Variants in GLYATL2 observed in about 807,000 individuals in gnomAD.
GLYATL2 encodes the protein glycine N-acyltransferase-like protein 2.
Under a neutral mutation model 21.4 loss-of-function variants are expected in GLYATL2, and 25 were observed. That is an observed-to-expected ratio of 1.17 (90% CI 0.85 to 1.63). The LOEUF is 1.63. GLYATL2 is among the 40% of genes most tolerant of loss of function. The pLI is 0.00. For missense variants in GLYATL2, 361 were observed against 343.3 expected, an observed-to-expected ratio of 1.05 and a Z score of -0.41; for synonymous variants, 114 against 118.2, an observed-to-expected ratio of 0.96 and a Z score of 0.23.
intron 1 of GLYATL2, among the ~76,000 whole-genome samples, chr11:58,854,113 T>C (rs1467609280): frequency 1.3e-5 from 2 of 152,240 alleles, no homozygotes; most frequent in Non-Finnish European, 2.9e-5. Context: ...AGTTCATCTA[T>C]GTGGTTTCAA....
chr11:58,887,070 G>A (rs542540190), intron 1 of GLYATL2, among the ~76,000 whole-genome samples: 1 of 152,288 alleles, frequency 6.6e-6, no homozygotes, highest in African/African-American at 2.4e-5. Context: ...ATAATTGTAG[G>A]AGGTCAAGTA....
chr11:58,903,310 G>A (rs1854770634), intron 1 of GLYATL2, among the ~76,000 whole-genome samples: 1 of 152,120 alleles, frequency 6.6e-6, no homozygotes, highest in East Asian at 1.9e-4. Flanking sequence ...GCAGGATTTT[G>A]TATTTATCAT....
chr11:58,909,253 G>T, the GLYATL2 span, among the ~76,000 whole-genome samples: 1 of 152,182 alleles, frequency 6.6e-6, no homozygotes, highest in Non-Finnish European at 1.5e-5. Context: ...GAGGAAAACA[G>T]AGGTATTAGT....
At chr11:58,862,167 A>C (rs1335796908) in intron 1 of GLYATL2, among the ~76,000 whole-genome samples, 1 of 152,186 alleles carries the variant, frequency 6.6e-6, no homozygotes, top group Non-Finnish European at 1.5e-5. Flanking sequence ...TTCTGCTCAT[A>C]AATCTGCTGT....
chr11:58,899,617 A>T (rs61892584), intron 1 of GLYATL2, among the ~76,000 whole-genome samples: 47,185 of 151,842 alleles, frequency 0.31, 8,849 homozygotes, highest in Non-Finnish European at 0.44. Context: ...TTTGACAGAC[A>T]GCTGCAGAAA....
At chr11:58,843,096 G>A (rs1853582374) in intron 1 of GLYATL2, among the ~76,000 whole-genome samples, 2 of 152,108 alleles carry the variant, frequency 1.3e-5, no homozygotes, top group Non-Finnish European at 2.9e-5. Flanking sequence ...TGTTTCATTT[G>A]AAATTGCAGT....
At chr11:58,850,375 G>A (rs998951550) in intron 1 of GLYATL2, among the ~76,000 whole-genome samples, 7 of 152,240 alleles carry the variant, frequency 4.6e-5, no homozygotes, top group African/African-American at 1.7e-4. Flanking sequence ...AGCTGTTCCA[G>A]TGTGATAAAT....
rs539083099 is a variant in GLYATL2 at position 58,842,632 on chromosome 11, AAATG to A, written c.-41+1798_-41+1801del. Among the ~76,000 whole-genome samples the A allele has an allele frequency of 4.3e-3, 656 of 152,074 alleles. 2 individuals are homozygous for A. Among genetic ancestry groups the A allele is most frequent in the African/African-American group, 0.014 (597 of 41,466 alleles). ...CCTGAACTGGAAAAAGCCAGTTGAA[AAATG>A]AATGAATGAATGAATGAATGAATGA... is the stretch of plus-strand genomic sequence containing the variant. On this transcript the variant is annotated intron_variant, in intron 1 of 5. Coordinates refer to ENST00000287275, the MANE Select transcript of GLYATL2 (RefSeq NM_145016.4).
chr11:58,835,436 TA>T (rs1388741043), intron 5 of GLYATL2, among the ~76,000 whole-genome samples: 2 of 152,206 alleles, frequency 1.3e-5, no homozygotes, highest in Non-Finnish European at 2.9e-5. Flanking sequence ...TAATCCTGAT[TA>T]TTTTCTTTTG....
At chr11:58,905,962 A>G (rs1160262642), upstream of GLYATL2, among the ~76,000 whole-genome samples, 1 of 152,190 alleles carries the variant, frequency 6.6e-6, no homozygotes, top group Non-Finnish European at 1.5e-5. Flanking sequence ...CGAGAGTGTC[A>G]ATTCCCAGGC....
Position 58,834,728 on chromosome 11 carries a change from G to A in GLYATL2, c.586C>T (p.Leu196Phe). ...ERSLKYIERC[L>F]QDFLGFGVLG... ...ACACCAAATCCTAGAAAATCCTGGAGGCAGCGTTCAATATATTTCAAGCTC... is the reference window on the plus strand; with the variant it reads ...ACACCAAATCCTAGAAAATCCTGGAAGCAGCGTTCAATATATTTCAAGCTC... The change falls in exon 6 of 6, where the codon CTC (leucine) becomes TTC (phenylalanine). Residue 196 changes from leucine (L) to phenylalanine (F), a missense_variant. Coordinates refer to ENST00000287275, the MANE Select transcript of GLYATL2 (RefSeq NM_145016.4). The A allele has an allele frequency of 3.1e-6, 5 of 1,613,854 alleles. No individual in the cohort carries two copies. Among genetic ancestry groups the A allele is most frequent in the Non-Finnish European group, 4.2e-6 (5 of 1,179,994 alleles).
upstream of GLYATL2, among the ~76,000 whole-genome samples, chr11:58,847,591 G>T (rs1314021283): frequency 8.5e-5 from 13 of 152,210 alleles, no homozygotes; most frequent in Admixed American, 2.0e-4. Context: ...TATGTGGTGA[G>T]ACTCCTCTGT....
rs1299309237 is a variant in GLYATL2 at position 58,898,280 on chromosome 11, T to C, written n.60+5876A>G. ...TAAGTGAGACAAATGTTTTTATTCT[T>C]CTACCATTCATCCCCCTGAGACCAA... On this transcript the variant is annotated intron_variant and non_coding_transcript_variant, in intron 1 of 4. Coordinates refer to the GLYATL2 transcript ENST00000533636. Among the ~76,000 whole-genome samples, 3 of 152,202 alleles carry C rather than the reference T, an allele frequency of 2.0e-5. No homozygotes were observed. In the East Asian group the frequency reaches 5.8e-4, roughly 29 times the overall value.
chr11:58,857,691 C>T (rs1239968466), intron 1 of GLYATL2, among the ~76,000 whole-genome samples: 1 of 152,116 alleles, frequency 6.6e-6, no homozygotes, highest in African/African-American at 2.4e-5. Flanking sequence ...CATGTTGTCA[C>T]TGGACTAGCA....
At chr11:58,887,201 C>G (rs1854457573) in intron 1 of GLYATL2, among the ~76,000 whole-genome samples, 1 of 151,828 alleles carries the variant, frequency 6.6e-6, no homozygotes, top group Non-Finnish European at 1.5e-5. Context: ...TAAAGTTAGT[C>G]AATAAACAAA....
chr11:58,851,976 G>A (rs671980), intron 1 of GLYATL2, among the ~76,000 whole-genome samples: 131,626 of 152,214 alleles, frequency 0.86, 58,271 homozygotes, highest in Non-Finnish European at 0.96. Context: ...CATTGATTGA[G>A]AAAGAGTGAG....
intron 1 of GLYATL2, among the ~76,000 whole-genome samples, chr11:58,896,047 G>C (rs965364198): frequency 6.6e-6 from 1 of 151,988 alleles, no homozygotes; most frequent in African/African-American, 2.4e-5. Context: ...TAGTAGGATG[G>C]GGTTTCACCA....
rs537112987 is a variant in GLYATL2, at chr11:58,867,918, G to C, written n.61-29550C>G. Among the ~76,000 whole-genome samples, 3 of 148,938 alleles carry C rather than the reference G, an allele frequency of 2.0e-5. No individual in the cohort carries two copies. The East Asian group carries it at 6.7e-4, about 33-fold the overall frequency. On this transcript the variant is annotated intron_variant and non_coding_transcript_variant, in intron 1 of 4. Coordinates refer to the GLYATL2 transcript ENST00000533636. ...GTGTTTCTGGGAGGAAGGCATAGGG[G>C]CCTAGTTCCAGCCTTACCCCACTGC...
At chr11:58,869,802 G>A (rs912072211) in intron 1 of GLYATL2, among the ~76,000 whole-genome samples, 5 of 152,126 alleles carry the variant, frequency 3.3e-5, no homozygotes, top group Non-Finnish European at 7.4e-5. Context: ...AGAATTGTCA[G>A]CATACATTTT....
Sources: allele counts gnomAD v4.1 joint callset (sites outside exome capture counted in the v4.1 genomes callset), GRCh38; gene constraint gnomAD v4.1.1; transcripts MANE v1.5; gene names NCBI Gene and HGNC (gene_info 2026-07-23, HGNC 2026-07-21).